The following DHX8 variants were observed in gnomAD, a reference collection of about 807,000 sequenced individuals.
DHX8 encodes the protein ATP-dependent RNA helicase DHX8.
Under a neutral mutation model 140.7 loss-of-function variants are expected in DHX8, and 67 were observed. The ratio of observed to expected loss-of-function variants is 0.48; its 90% CI spans 0.39 to 0.58. DHX8 has a LOEUF of 0.58. Among genes scored for constraint, DHX8 ranks in the 20% least tolerant of loss-of-function variants. DHX8 has a pLI of 0.00. For synonymous variants in DHX8, 533 were observed against 553.2 expected, an observed-to-expected ratio of 0.96 and a Z score of 0.51; for missense variants, 887 against 1,550.7, an observed-to-expected ratio of 0.57 and a Z score of 7.19.
chr17:43,533,021 AG>A, intron 2 of DHX8: 1 of 1,513,514 alleles, frequency 6.6e-7, no homozygotes, highest in Non-Finnish European at 8.9e-7. Flanking sequence ...AGGCTTTTAG[AG>A]TGGGCTCCGG....
intron 9 of DHX8, 24 bp downstream of exon 9, chr17:43,496,292 A>C: frequency 1.3e-6 from 2 of 1,562,464 alleles, no homozygotes; most frequent in African/African-American, 1.4e-5. Context: ...TGGATCGAGA[A>C]GGGTAATTGG....
Position 43,525,267 on chromosome 17 carries a change from G to A in DHX8, c.*1420G>A. ...TTATGTTATTAGTAAGTTCTGAAGT[G>A]ATGTAAATGCTAGAACTACTGTAGA... is the stretch of plus-strand genomic sequence containing the variant. On this transcript the variant is annotated 3_prime_UTR_variant, in exon 23 of 23. Coordinates refer to ENST00000262415, the MANE Select transcript of DHX8 (RefSeq NM_004941.3). 1.0e-6 allele frequency: 1 copy of A among 985,412 alleles called. No homozygotes were observed. Among genetic ancestry groups the A allele is most frequent in the Non-Finnish European group, 1.2e-6 (1 of 829,940 alleles). The allele number at this position is 985,412 out of a possible 1,614,324, so 61.0% of individuals were successfully genotyped here. A position where few individuals can be genotyped will look rare whatever the true frequency, so the allele number is the denominator to read the frequency against.
chr17:43,512,984 G>C (rs904627480), intron 16 of DHX8, among the ~76,000 whole-genome samples: 1 of 152,080 alleles, frequency 6.6e-6, no homozygotes, highest in Non-Finnish European at 1.5e-5. Context: ...ATCTCATTTT[G>C]CATTGGCACA....
Position 43,524,475 on chromosome 17 carries a change from C to T in DHX8, c.*628C>T, listed in dbSNP as rs564327151. 2.8e-4 allele frequency: 273 copies of T among 987,542 alleles called. No homozygotes were observed. In the Middle Eastern group the frequency reaches 7.3e-3, roughly 26 times the overall value. 61.2% of individuals were successfully genotyped at this position (987,542 alleles called of 1,614,324 possible). ...CGCAGGGCCTCTTTGCGCTCGGAAA[C>T]GACGTACAACCCAGACTTCCAGCCT... On this transcript the variant is annotated 3_prime_UTR_variant, in exon 23 of 23. Transcript: ENST00000262415.
chr17:43,527,356 A>G (rs1373344768), downstream of DHX8, among the ~76,000 whole-genome samples: 1 of 152,188 alleles, frequency 6.6e-6, no homozygotes, highest in Non-Finnish European at 1.5e-5. Context: ...ACTTGTCCCC[A>G]ACCCCAGCAA....
Position 43,484,063 on chromosome 17 carries a change from G to T in DHX8, c.26G>T (p.Gly9Val), listed in dbSNP as rs759644929. 5.8e-5 allele frequency: 93 copies of T among 1,614,104 alleles called. No homozygotes were observed. Among genetic ancestry groups the T allele is most frequent in the Non-Finnish European group, 7.6e-5 (90 of 1,180,046 alleles). Reference sequence around the variant, plus strand: ...ATGGCTGTGGCTGTAGCCATGGCGGGAGCCTTAATCGGGTCGGAGCCAGGC... The same window carrying T: ...ATGGCTGTGGCTGTAGCCATGGCGGTAGCCTTAATCGGGTCGGAGCCAGGC... The part of the protein sequence containing the change: MAVAVAMA[G>V]ALIGSEPGPA... The change falls in exon 1 of 23, where the codon GGA becomes GTA. Residue 9 changes from glycine to valine, a missense_variant. Transcript: ENST00000262415.
chr17:43,530,750 A>T (rs529655691), downstream of DHX8, among the ~76,000 whole-genome samples: 25 of 152,038 alleles, frequency 1.6e-4, no homozygotes, highest in African/African-American at 6.0e-4. Flanking sequence ...ATTCCATAGG[A>T]TAGGAACCTT....
At chr17:43,520,397 T>G (rs1356512035) in intron 19 of DHX8, 130 bp downstream of exon 19, 2 of 1,184,434 alleles carry the variant, frequency 1.7e-6, no homozygotes, top group East Asian at 2.5e-5. Flanking sequence ...TGTTTGTTTT[T>G]AACCTGAATT....
chr17:43,492,970 G>T lies in DHX8; in HGVS notation c.793G>T (p.Gly265Cys). Reference protein sequence around the residue: ...DRPPPEEPTIGDIYNGKVTSI... With the variant: ...DRPPPEEPTICDIYNGKVTSI... ...CCCTCCTCCAGAAGAGCCCACCATT[G>T]GTGACATTTATAATGGCAAAGTTAC... Residue 265 changes from glycine (G) to cysteine (C), a missense_variant, in exon 6 of 23, where the codon GGT (glycine) becomes TGT (cysteine). Physicochemically the swap from Gly to Cys is radical, Grantham distance 159 (BLOSUM62 -3). Around this residue, in one of 9 missense-constraint regions of DHX8, gnomAD observed 304 missense variants for 306.9 expected, o/e 0.99. Transcript: ENST00000262415. 1 of 1,614,178 alleles carries T rather than the reference G, an allele frequency of 6.2e-7. No homozygotes were observed. The highest frequency in any genetic ancestry group is 8.5e-7 in the Non-Finnish European group (1 of 1,180,032).
intron 19 of DHX8, 132 bp from the exon 20 acceptor site, chr17:43,520,618 GA>G: frequency 9.7e-7 from 1 of 1,032,006 alleles, no homozygotes; most frequent in Non-Finnish European, 1.4e-6. Flanking sequence ...TTCTGATAGA[GA>G]AAGGCATCCC....
At chr17:43,486,242 CTT>C (rs1427298104) in intron 1 of DHX8, among the ~76,000 whole-genome samples, 1 of 150,244 alleles carries the variant, frequency 6.7e-6, no homozygotes, top group Non-Finnish European at 1.5e-5. Flanking sequence ...TAGACAGTGT[CTT>C]TTGTTGAAAC....
chr17:43,520,933 G>T, intron 20 of DHX8, 54 bp downstream of exon 20: 1 of 1,518,192 alleles, frequency 6.6e-7, no homozygotes, highest in East Asian at 2.4e-5. Flanking sequence ...TGGGGTAGTT[G>T]GCCTGTTGCC....
intron 17 of DHX8, among the ~76,000 whole-genome samples, chr17:43,516,478 G>A (rs1309421801): frequency 6.6e-6 from 1 of 151,918 alleles, no homozygotes; most frequent in African/African-American, 2.4e-5. Flanking sequence ...ATCAGTCTTT[G>A]TTGTTGCCCA....
chr17:43,523,082 AAG>A (rs1375448051), intron 22 of DHX8, among the ~76,000 whole-genome samples: 1 of 151,722 alleles, frequency 6.6e-6, no homozygotes, highest in East Asian at 1.9e-4. Flanking sequence ...AAAAAAAAGA[AAG>A]AAAAAAACAA....
At chr17:43,537,189 AAC>A in intron 3 of DHX8, among the ~76,000 whole-genome samples, 1 of 152,126 alleles carries the variant, frequency 6.6e-6, no homozygotes, top group East Asian at 1.9e-4. Context: ...AACATGACGA[AAC>A]CCCATCTTTA....
intron 4 of DHX8, among the ~76,000 whole-genome samples, chr17:43,491,783 G>C (rs557802445): frequency 6.6e-6 from 1 of 151,878 alleles, no homozygotes. Flanking sequence ...CAAACAAATA[G>C]GTATGTAACA....
intron 9 of DHX8, among the ~76,000 whole-genome samples, chr17:43,496,516 G>A (rs540460729): frequency 3.2e-4 from 48 of 152,098 alleles, no homozygotes; most frequent in Middle Eastern, 3.4e-3. Flanking sequence ...GGTGGCTCAC[G>A]CCTGTAATCC....
At chr17:43,504,527 C>G in intron 11 of DHX8, 117 bp from the exon 12 acceptor site, 1 of 968,362 alleles carries the variant, frequency 1.0e-6, no homozygotes, top group East Asian at 2.5e-5. Flanking sequence ...TACTTTTGAT[C>G]ACGGGTCGCT....
downstream of DHX8, chr17:43,528,993 T>C: frequency 1.2e-6 from 1 of 867,146 alleles, no homozygotes; most frequent in Non-Finnish European, 1.9e-6. Context: ...ACCTTGGGAT[T>C]CTCCACAATT....
Sources: gnomAD v4.1 joint callset for allele counts (sites outside exome capture counted in the v4.1 genomes callset) on GRCh38, gnomAD v4.1.1 for gene constraint, gnomAD v4.1.1 regional missense constraint, MANE v1.5 for transcripts, NCBI Gene and HGNC (gene_info 2026-07-23, HGNC 2026-07-21) for gene names.